MRTFA: variants seen among roughly 807,000 people sequenced by gnomAD.
MRTFA encodes myocardin related transcription factor A.
In MRTFA, 20 loss-of-function variants were observed where a neutral mutation model predicts 83.5. That is an observed-to-expected ratio of 0.24 (90% confidence interval 0.17 to 0.35). The LOEUF (loss-of-function observed/expected upper bound fraction) is 0.35. MRTFA is among the 10% of genes least tolerant of loss of function. MRTFA has a pLI of 1.00. For synonymous variants in MRTFA, 659 were observed against 541.2 expected, an observed-to-expected ratio of 1.22 and a Z score of -3.02; for missense variants, 1,200 against 1,224.7, an observed-to-expected ratio of 0.98 and a Z score of 0.30.
chr22:40,599,536 A>C (rs1375257647), intron 1 of MRTFA, among the ~76,000 whole-genome samples: 3 of 152,180 alleles, frequency 2.0e-5, no homozygotes, highest in Non-Finnish European at 4.4e-5. Context: ...GTCTTCTTTC[A>C]AACAAGCACT....
intron 2 of MRTFA, among the ~76,000 whole-genome samples, chr22:40,565,255 T>A (rs537953354): frequency 6.6e-6 from 1 of 152,202 alleles, no homozygotes; most frequent in African/African-American, 2.4e-5. Context: ...CATGAAGACC[T>A]CCTGGGGTAG....
At chr22:40,496,446 T>A (rs2054357458) in intron 3 of MRTFA, among the ~76,000 whole-genome samples, 1 of 149,366 alleles carries the variant, frequency 6.7e-6, no homozygotes, top group East Asian at 2.0e-4. Flanking sequence ...CTTTTGTTTA[T>A]CTGTATCTTC....
At chr22:40,533,434 A>C (rs2147279428) in intron 3 of MRTFA, among the ~76,000 whole-genome samples, 1 of 152,326 alleles carries the variant, frequency 6.6e-6, no homozygotes, top group Admixed American at 6.5e-5. Flanking sequence ...ATGAGAGAAA[A>C]ATTAATAAAA....
intron 1 of MRTFA, among the ~76,000 whole-genome samples, chr22:40,618,089 T>G (rs1393123338): frequency 1.3e-5 from 2 of 151,558 alleles, no homozygotes; most frequent in East Asian, 3.9e-4. Context: ...TGTTTTTTTT[T>G]TTTGAGACGG....
intron 3 of MRTFA, among the ~76,000 whole-genome samples, chr22:40,481,626 G>A (rs2054091838): frequency 6.6e-6 from 1 of 152,142 alleles, no homozygotes; most frequent in African/African-American, 2.4e-5. Context: ...CCCTTTTGAA[G>A]AGACCGATGA....
intron 3 of MRTFA, among the ~76,000 whole-genome samples, chr22:40,507,294 G>C (rs2054595732): frequency 6.6e-6 from 1 of 152,182 alleles, no homozygotes; most frequent in East Asian, 1.9e-4. Flanking sequence ...CTGAGAGTTC[G>C]AGGCTGCAGT....
chr22:40,470,226 A>G (rs1421797737), intron 3 of MRTFA, among the ~76,000 whole-genome samples: 1 of 78,500 alleles, frequency 1.3e-5, no homozygotes, highest in African/African-American at 6.4e-5. Context: ...CCCATCTCCA[A>G]AATTTTATAT....
chr22:40,462,354 A>T (rs2147151824), intron 4 of MRTFA, among the ~76,000 whole-genome samples: 1 of 152,332 alleles, frequency 6.6e-6, no homozygotes, highest in Admixed American at 6.5e-5. Context: ...GAATGAATGA[A>T]TGAGAGCTAG....
At chr22:40,527,736 G>A (rs2055002113) in intron 3 of MRTFA, among the ~76,000 whole-genome samples, 1 of 149,528 alleles carries the variant, frequency 6.7e-6, no homozygotes, top group South Asian at 2.1e-4. Flanking sequence ...TCCAGCCTGG[G>A]TGACAGAGCA....
intron 3 of MRTFA, among the ~76,000 whole-genome samples, chr22:40,476,013 G>A (rs896406060): frequency 5.3e-5 from 8 of 151,960 alleles, no homozygotes; most frequent in South Asian, 2.1e-4. Context: ...GCGTGGTGGC[G>A]GGTGCCTGTA....
chr22:40,450,900 G>A lies in MRTFA; in HGVS notation c.307+12321C>T, dbSNP rs139964089. Among the ~76,000 whole-genome samples, 129 of 152,308 alleles carry A rather than the reference G, an allele frequency of 8.5e-4. 1 individual carries two copies. The highest frequency in any genetic ancestry group is 5.8e-3 in the East Asian group (30 of 5,194). Reference sequence around the variant, plus strand: ...CACAGGGTTTGTAGCCAGAAAACCCGGATTGGGTCTGCCTATCTTTCAGTG... The same window carrying A: ...CACAGGGTTTGTAGCCAGAAAACCCAGATTGGGTCTGCCTATCTTTCAGTG... On this transcript the variant is annotated intron_variant, in intron 4 of 14. Coordinates refer to ENST00000355630, the MANE Select transcript of MRTFA (RefSeq NM_020831.6).
In MRTFA at chr22:40,418,767, C is replaced by G. The variant is rs2052752616; in HGVS notation, c.1971G>C (p.Gln657His). ...GGGCGGGCTGCTGGGCTCGCTTCTC[C>G]TGCTCCAGCTGCAGCTTGAGCCGCT... Residue 657 changes from glutamine to histidine, a missense_variant, in exon 12 of 15, where the codon CAG becomes CAC. By Grantham distance (24) the Gln-to-His change is conservative. This residue lies in a region of MRTFA where 1,107 missense variants were observed against 1,041.8 expected (regional missense o/e 1.06). Coordinates refer to ENST00000355630, the MANE Select transcript of MRTFA (RefSeq NM_020831.6). 6.4e-7 allele frequency: 1 copy of G among 1,558,410 alleles called. No individual in the cohort carries two copies.
chr22:40,474,079 A>C (rs1171442012), intron 3 of MRTFA, among the ~76,000 whole-genome samples: 1 of 152,220 alleles, frequency 6.6e-6, no homozygotes, highest in Non-Finnish European at 1.5e-5. Context: ...AGGTTGGCAC[A>C]AAAGTAATTG....
At chr22:40,449,288 A>AG (rs1241252655) in intron 4 of MRTFA, among the ~76,000 whole-genome samples, 2 of 151,160 alleles carry the variant, frequency 1.3e-5, no homozygotes, top group African/African-American at 2.4e-5. Context: ...AAAAAAAAAA[A>AG]AAAGAAAAGA....
At chr22:40,471,071 T>C (rs897523033) in intron 3 of MRTFA, among the ~76,000 whole-genome samples, 1 of 148,588 alleles carries the variant, frequency 6.7e-6, no homozygotes, top group Non-Finnish European at 1.5e-5. Context: ...AAACAGAAAA[T>C]ACATACAAAA....
intron 1 of MRTFA, among the ~76,000 whole-genome samples, chr22:40,616,877 T>C (rs2056454812): frequency 6.6e-6 from 1 of 151,866 alleles, no homozygotes; most frequent in Non-Finnish European, 1.5e-5. Flanking sequence ...AGCAGGCGGA[T>C]CACTTAAACC....
In MRTFA at chr22:40,517,366, G is replaced by A. The variant is rs1382258986; in HGVS notation, c.241+34740C>T. On this transcript the variant is annotated intron_variant, in intron 3 of 14. Transcript: ENST00000355630. ...AGGTAGGCTAAGTACTGGGAGAATG[G>A]AGCAAAGGAACCTCGACAAGTTAGA... is the stretch of plus-strand genomic sequence containing the variant. 1.8e-4 allele frequency among the ~76,000 whole-genome samples: 28 copies of A among 152,256 alleles called. 1 individual carries two copies. The highest frequency in any genetic ancestry group is 1.8e-3 in the Admixed American group (27 of 15,296).
chr22:40,616,438 C>A (rs909091938), intron 1 of MRTFA, among the ~76,000 whole-genome samples: 3 of 152,048 alleles, frequency 2.0e-5, no homozygotes, highest in South Asian at 2.1e-4. Context: ...GAATGACGGA[C>A]GGAAGAAAAC....
At chr22:40,527,972 C>T (rs1446477681) in intron 3 of MRTFA, among the ~76,000 whole-genome samples, 2 of 152,108 alleles carry the variant, frequency 1.3e-5, no homozygotes, top group Non-Finnish European at 2.9e-5. Flanking sequence ...CTTTGATCCG[C>T]GTCCTAACTC....
Sources: allele counts gnomAD v4.1 joint callset (sites outside exome capture counted in the v4.1 genomes callset), GRCh38; gene constraint gnomAD v4.1.1; regional missense constraint gnomAD v4.1.1; transcripts MANE v1.5; gene names NCBI Gene and HGNC (gene_info 2026-07-23, HGNC 2026-07-21).